The following IL17RD variants were observed in gnomAD, a reference collection of about 807,000 sequenced individuals.
IL17RD encodes interleukin-17 receptor D.
IL17RD carries 52 observed loss-of-function variants against 80.5 expected under a neutral mutation model. That is an observed-to-expected ratio of 0.65 (90% CI 0.52 to 0.81). The LOEUF is 0.81. IL17RD is among the 40% of genes least tolerant of loss of function. The probability of loss-of-function intolerance (pLI) is 0.00; values close to 1 mark genes in which losing one functional copy is unlikely to be tolerated. For synonymous variants in IL17RD, 416 were observed against 391.8 expected, an observed-to-expected ratio of 1.06 and a Z score of -0.73; for missense variants, 1,024 against 955.1, an observed-to-expected ratio of 1.07 and a Z score of -0.95.
chr3:57,097,337 A>C, intron 12 of IL17RD: 1 of 474,142 alleles, frequency 2.1e-6, no homozygotes, highest in Non-Finnish European at 3.8e-6. Flanking sequence ...AAAGTGATAC[A>C]GTGCATAGTC....
At position 57,109,426 on chromosome 3, in the gene IL17RD, T is replaced by C. The variant is rs972330356; in HGVS notation, c.550+111A>G. The C allele has an allele frequency of 2.5e-6, 3 of 1,201,212 alleles. No individual in the cohort carries two copies. In the African/African-American group the frequency reaches 4.6e-5, roughly 18 times the overall value. The allele number at this position is 1,201,212 out of a possible 1,614,324, so 74.4% of individuals were successfully genotyped here. Reference sequence around the variant, plus strand: ...TCCCAAAGTGCTGGGATTAGAGGTGTGAGCCACCGCGCCCGGCCTTGGCAC... The same window carrying C: ...TCCCAAAGTGCTGGGATTAGAGGTGCGAGCCACCGCGCCCGGCCTTGGCAC... On this transcript the variant is annotated intron_variant, in intron 5 of 12. Transcript: ENST00000296318.
intron 1 of IL17RD, among the ~76,000 whole-genome samples, chr3:57,152,433 C>T (rs372305079): frequency 2.6e-5 from 4 of 152,220 alleles, no homozygotes; most frequent in Admixed American, 6.5e-5. Flanking sequence ...TATTACATCT[C>T]GGCATGACAT....
chr3:57,147,397 G>A (rs1036708945), intron 1 of IL17RD, among the ~76,000 whole-genome samples: 3 of 152,182 alleles, frequency 2.0e-5, no homozygotes, highest in Non-Finnish European at 4.4e-5. Flanking sequence ...GCTGGGATTC[G>A]TGAAACAAAC....
chr3:57,137,519 A>G (rs1412099655), intron 1 of IL17RD, among the ~76,000 whole-genome samples: 1 of 152,248 alleles, frequency 6.6e-6, no homozygotes, highest in Admixed American at 6.5e-5. Context: ...CAAAGGACCC[A>G]AGAATTGAAC....
chr3:57,165,153 C>G lies in IL17RD; in HGVS notation c.126+8G>C, dbSNP rs1347563126. Reference sequence around the variant, plus strand: ...GCGACGGCAAGAAACCCGCCGCCCTCGCCTTACCCTCCAGCCACAGGTGTC... The same window carrying G: ...GCGACGGCAAGAAACCCGCCGCCCTGGCCTTACCCTCCAGCCACAGGTGTC... On this transcript the variant is annotated splice_region_variant and intron_variant, in intron 1 of 12. Coordinates refer to ENST00000296318, the MANE Select transcript of IL17RD (RefSeq NM_017563.5). 1 of 1,519,676 alleles carries G rather than the reference C, an allele frequency of 6.6e-7. No individual in the cohort carries two copies. The highest frequency in any genetic ancestry group is 1.4e-5 in the African/African-American group (1 of 69,562). The allele number at this position is 1,519,676 out of a possible 1,614,324, so 94.1% of individuals were successfully genotyped here. A position where few individuals can be genotyped will look rare whatever the true frequency, so the allele number is the denominator to read the frequency against.
rs1436180172 is a variant in IL17RD, at chr3:57,097,749, C to G, written c.1954G>C (p.Ala652Pro). The G allele has an allele frequency of 6.2e-7, 1 of 1,602,118 alleles. No individual in the cohort carries two copies. Among genetic ancestry groups the G allele is most frequent in the East Asian group, 2.2e-5 (1 of 44,708 alleles). Residue 652 changes from alanine (A) to proline (P), a missense_variant, in exon 12 of 13, where the codon GCC (alanine) becomes CCC (proline). Transcript: ENST00000296318. Reference sequence around the variant, plus strand: ...CGCGGCATGTCCGAGGGGCTGCCGGCTTTCACCGTGTGCAGCAGGGGTTGC... The same window carrying G: ...CGCGGCATGTCCGAGGGGCTGCCGGGTTTCACCGTGTGCAGCAGGGGTTGC... Reference protein sequence around the residue: ...ALQPLLHTVKAGSPSDMPRDS... With the variant: ...ALQPLLHTVKPGSPSDMPRDS...
rs10717205 is a variant in IL17RD, at chr3:57,139,515, CTTT to C, written c.127-19205_127-19203del. On this transcript the variant is annotated intron_variant, in intron 1 of 12. Coordinates refer to ENST00000296318, the MANE Select transcript of IL17RD (RefSeq NM_017563.5). ...ATGGGGTACATGCAATGAAAATTTC[CTTT>C]TTTTTTTTTTTTTGAGACGGGGTCT... Among the ~76,000 whole-genome samples, 1,296 of 134,716 alleles carry C rather than the reference CTTT, an allele frequency of 9.6e-3. 16 individuals are homozygous for C. The highest frequency in any genetic ancestry group is 0.034 in the African/African-American group (1,225 of 36,518). The allele number at this position is 134,716 out of a possible 152,430, so 88.4% of individuals were successfully genotyped here.
At chr3:57,134,086 TTAAAC>T (rs1579298691) in intron 1 of IL17RD, 9 of 476,836 alleles carry the variant, frequency 1.9e-5, no homozygotes, top group South Asian at 1.1e-4. Flanking sequence ...TAAACTGACT[TTAAAC>T]TAAGAATCGG....
Position 57,093,036 on chromosome 3 carries a change from T to C in IL17RD, c.*3357A>G, listed in dbSNP as rs1054925147. On this transcript the variant is annotated 3_prime_UTR_variant, in exon 13 of 13. Coordinates refer to ENST00000296318, the MANE Select transcript of IL17RD (RefSeq NM_017563.5). ...CTTGAAAAATGGGAAGATCAGGAAGTACTTCATGGCCACAGTCGACTGGAA... is the reference window on the plus strand; with the variant it reads ...CTTGAAAAATGGGAAGATCAGGAAGCACTTCATGGCCACAGTCGACTGGAA... 1 of 152,170 alleles carries C rather than the reference T, an allele frequency of 6.6e-6. No individual in the cohort carries two copies. Among genetic ancestry groups the C allele is most frequent in the Non-Finnish European group, 1.5e-5 (1 of 68,034 alleles). 9.4% of individuals were successfully genotyped at this position (152,170 alleles called of 1,614,324 possible).
rs1191739942 is a variant in IL17RD at position 57,127,313 on chromosome 3, TA to T, written c.127-7001del. On this transcript the variant is annotated intron_variant, in intron 1 of 12. Transcript: ENST00000296318. ...ATATATAAATATATATAAAAATATATAAAAATATATATAAATATATATAAAA... is the reference window on the plus strand; with the variant it reads ...ATATATAAATATATATAAAAATATATAAAATATATATAAATATATATAAAA... Among the ~76,000 whole-genome samples the T allele has an allele frequency of 1.6e-4, 16 of 97,338 alleles. 2 individuals are homozygous for T. Among genetic ancestry groups the T allele is most frequent in the South Asian group, 2.7e-4 (1 of 3,732 alleles). 63.9% of individuals were successfully genotyped at this position (97,338 alleles called of 152,430 possible). A position where few individuals can be genotyped will look rare whatever the true frequency, so the allele number is the denominator to read the frequency against.
At chr3:57,149,021 C>T (rs1559484633) in intron 1 of IL17RD, among the ~76,000 whole-genome samples, 1 of 152,140 alleles carries the variant, frequency 6.6e-6, no homozygotes, top group Non-Finnish European at 1.5e-5. Context: ...GAAGAAAAAG[C>T]AGATTCCTGG....
intron 1 of IL17RD, among the ~76,000 whole-genome samples, chr3:57,141,997 A>G (rs571575714): frequency 6.6e-6 from 1 of 152,172 alleles, no homozygotes; most frequent in South Asian, 2.1e-4. Flanking sequence ...CCCCTGCCCC[A>G]TTGCCTAAAC....
At chr3:57,130,776 T>G (rs893906749) in intron 1 of IL17RD, among the ~76,000 whole-genome samples, 4 of 152,118 alleles carry the variant, frequency 2.6e-5, no homozygotes, top group Non-Finnish European at 5.9e-5. Context: ...TGAGATGCAG[T>G]CAGGGTTTCT....
intron 1 of IL17RD, among the ~76,000 whole-genome samples, chr3:57,129,491 ACTGTTT>A (rs1268191541): frequency 3.3e-5 from 5 of 152,026 alleles, no homozygotes; most frequent in Admixed American, 3.3e-4. Flanking sequence ...TTCAAATACC[ACTGTTT>A]CCGAGGCACA....
intron 1 of IL17RD, among the ~76,000 whole-genome samples, chr3:57,146,261 T>G (rs1707928636): frequency 6.6e-6 from 1 of 152,206 alleles, no homozygotes; most frequent in Non-Finnish European, 1.5e-5. Context: ...AAATTCTTAT[T>G]TATTCACTTA....
chr3:57,104,075 T>G (rs1706897484), intron 8 of IL17RD, among the ~76,000 whole-genome samples: 1 of 152,206 alleles, frequency 6.6e-6, no homozygotes, highest in Non-Finnish European at 1.5e-5. Context: ...AAATATATCT[T>G]TGTAGTATTA....
At position 57,096,079 on chromosome 3, in the gene IL17RD, T is replaced by A; in HGVS notation, c.*314A>T. 3.2e-6 allele frequency: 1 copy of A among 307,888 alleles called. No homozygotes were observed. The highest frequency in any genetic ancestry group is 5.1e-5 in the South Asian group (1 of 19,518). 19.1% of individuals were successfully genotyped at this position (307,888 alleles called of 1,614,324 possible). A position where few individuals can be genotyped will look rare whatever the true frequency, so the allele number is the denominator to read the frequency against. ...TGAATGATTAGTGCAGGTATCTTCCTGTTTTTCTTTACATATTTCCTCCCT... is the reference window on the plus strand; with the variant it reads ...TGAATGATTAGTGCAGGTATCTTCCAGTTTTTCTTTACATATTTCCTCCCT... On this transcript the variant is annotated 3_prime_UTR_variant, in exon 13 of 13. Coordinates refer to ENST00000296318, the MANE Select transcript of IL17RD (RefSeq NM_017563.5).
chr3:57,099,940 G>A (rs978716190), intron 11 of IL17RD, among the ~76,000 whole-genome samples: 4 of 152,192 alleles, frequency 2.6e-5, no homozygotes, highest in Non-Finnish European at 5.9e-5. Flanking sequence ...AAAACTGTAC[G>A]TGTGAGTTCA....
rs1375413363 is a variant in IL17RD, at chr3:57,098,236, G to A, written c.1467C>T (p.Pro489=). Residue 489 remains proline (P), a synonymous_variant, in exon 12 of 13, where the codon CCC becomes CCT. Transcript: ENST00000296318. ...ACTTGGTACTCAGGTCTAGGATACCGGGGACGTCTCCCTCGCAGGAATAAT... is the reference window on the plus strand; with the variant it reads ...ACTTGGTACTCAGGTCTAGGATACCAGGGACGTCTCCCTCGCAGGAATAAT... The part of the protein sequence containing the change: ...YFDYSCEGDV[P]GILDLSTKYR... 7 of 1,613,712 alleles carry A rather than the reference G, an allele frequency of 4.3e-6. No individual in the cohort carries two copies. In the African/African-American group the frequency reaches 6.7e-5, roughly 15 times the overall value.
Sources: allele counts gnomAD v4.1 joint callset (sites outside exome capture counted in the v4.1 genomes callset), GRCh38; gene constraint gnomAD v4.1.1; transcripts MANE v1.5; gene names NCBI Gene and HGNC (gene_info 2026-07-23, HGNC 2026-07-21).